Variants in SLCO1A2 observed in about 807,000 individuals in gnomAD.
SLCO1A2 encodes solute carrier organic anion transporter family member 1A2.
Under a neutral mutation model 69.0 loss-of-function variants are expected in SLCO1A2, and 67 were observed. That is an observed-to-expected ratio of 0.97 (90% CI 0.80 to 1.19). The LOEUF (loss-of-function observed/expected upper bound fraction) is 1.19. SLCO1A2 is among the 50% of genes most tolerant of loss of function. The pLI is 0.00. For missense variants in SLCO1A2, 787 were observed against 793.7 expected (o/e 0.99, Z 0.10); for synonymous variants, 260 against 265.9 (o/e 0.98, Z 0.22).
intron 2 of SLCO1A2, among the ~76,000 whole-genome samples, chr12:21,341,655 C>T (rs958807563): frequency 3.9e-5 from 6 of 151,960 alleles, no homozygotes; most frequent in Admixed American, 2.6e-4. Context: ...ACTGGAGTCA[C>T]GAAATATTAG....
At chr12:21,333,512 A>G (rs1952737773) in intron 2 of SLCO1A2, among the ~76,000 whole-genome samples, 1 of 152,126 alleles carries the variant, frequency 6.6e-6, no homozygotes, top group Non-Finnish European at 1.5e-5. Context: ...AGAGAAACCT[A>G]ACTTGCTATT....
At chr12:21,323,618 A>G (rs147679144) in intron 2 of SLCO1A2, among the ~76,000 whole-genome samples, 1 of 152,236 alleles carries the variant, frequency 6.6e-6, no homozygotes, top group East Asian at 1.9e-4. Context: ...ATACATATCT[A>G]TCTATCTGCA....
In SLCO1A2 at chr12:21,321,559, A is replaced by G. The variant is rs376924877; in HGVS notation, c.61-2636T>C. Among the ~76,000 whole-genome samples, 11 of 152,204 alleles carry G rather than the reference A, an allele frequency of 7.2e-5. No homozygotes were observed. The East Asian group carries it at 2.1e-3, about 29-fold the overall frequency. On this transcript the variant is annotated intron_variant, in intron 2 of 14. Coordinates refer to ENST00000683939, the MANE Select transcript of SLCO1A2 (RefSeq NM_001386879.1). Reference sequence around the variant, plus strand: ...TAAACAAAAATCTCTGATTTTTAAGATGGTAAACAAAGCCTCATCTGTATT... The same window carrying G: ...TAAACAAAAATCTCTGATTTTTAAGGTGGTAAACAAAGCCTCATCTGTATT...
At chr12:21,295,541 A>G (rs1947583763) in intron 10 of SLCO1A2, 56 bp downstream of exon 10, 2 of 1,142,266 alleles carry the variant, frequency 1.8e-6, no homozygotes, top group Non-Finnish European at 2.6e-6. Flanking sequence ...CATTGTAAAA[A>G]ATATCATATT....
At chr12:21,385,683 A>G (rs1331344851) in intron 1 of SLCO1A2, among the ~76,000 whole-genome samples, 1 of 152,214 alleles carries the variant, frequency 6.6e-6, no homozygotes, top group East Asian at 1.9e-4. Flanking sequence ...TTTTCTTCAC[A>G]CAGCTGGGTG....
At chr12:21,366,131 A>G (rs1384374250) in intron 2 of SLCO1A2, among the ~76,000 whole-genome samples, 1 of 152,212 alleles carries the variant, frequency 6.6e-6, no homozygotes, top group African/African-American at 2.4e-5. Flanking sequence ...TCACAACAGC[A>G]AAGACTTGGA....
At chr12:21,328,035 A>G (rs1952367121) in intron 2 of SLCO1A2, among the ~76,000 whole-genome samples, 2 of 152,096 alleles carry the variant, frequency 1.3e-5, no homozygotes, top group Admixed American at 6.6e-5. Flanking sequence ...TTTTCTCATG[A>G]TAGTGAATAA....
chr12:21,370,121 A>G (rs764711290), intron 2 of SLCO1A2, among the ~76,000 whole-genome samples: 1 of 152,206 alleles, frequency 6.6e-6, no homozygotes, highest in Non-Finnish European at 1.5e-5. Context: ...TGGATCAGAC[A>G]GATAAGAATT....
Position 21,266,098 on chromosome 12 carries a change from G to A in SLCO1A2, c.*3450C>T, listed in dbSNP as rs545814383. On this transcript the variant is annotated 3_prime_UTR_variant, in exon 15 of 15. Transcript: ENST00000683939. The stretch of plus-strand genomic sequence containing the variant: ...ACATTCTGAAAATGGGGATGCATGA[G>A]AGGACCCACAAAGAGGACGTTCACC... 6.6e-6 allele frequency: 1 copy of A among 152,230 alleles called. No homozygotes were observed. Among genetic ancestry groups the A allele is most frequent in the Non-Finnish European group, 1.5e-5 (1 of 68,002 alleles). 9.4% of individuals were successfully genotyped at this position (152,230 alleles called of 1,614,324 possible).
intron 2 of SLCO1A2, among the ~76,000 whole-genome samples, chr12:21,358,005 G>A (rs868408450): frequency 4.6e-5 from 7 of 152,242 alleles, no homozygotes; most frequent in Admixed American, 6.5e-5. Context: ...GGTGGGTGGC[G>A]TGAGGTGGGG....
chr12:21,298,565 A>T (rs2136393614), intron 8 of SLCO1A2, among the ~76,000 whole-genome samples: 1 of 152,306 alleles, frequency 6.6e-6, no homozygotes, highest in African/African-American at 2.4e-5. Flanking sequence ...ACACAGATTA[A>T]TGCAAGTAAA....
intron 2 of SLCO1A2, among the ~76,000 whole-genome samples, chr12:21,333,675 C>T (rs966809123): frequency 4.6e-5 from 7 of 152,024 alleles, no homozygotes; most frequent in Admixed American, 1.3e-4. Context: ...TCCACAAATG[C>T]TTTTAATATT....
chr12:21,396,892 C>T (rs534101656), upstream of SLCO1A2, among the ~76,000 whole-genome samples: 186 of 152,180 alleles, frequency 1.2e-3, no homozygotes, highest in African/African-American at 4.2e-3. Context: ...TGGAAAGGAA[C>T]GACTGGTACC....
At chr12:21,381,735 GC>G (rs1402475548) in intron 1 of SLCO1A2, among the ~76,000 whole-genome samples, 11 of 152,208 alleles carry the variant, frequency 7.2e-5, no homozygotes, top group Admixed American at 1.3e-4. Flanking sequence ...GGCAGAGGTT[GC>G]AGTGAGCCAA....
At chr12:21,400,704 A>C (rs1306361089) in intron 1 of SLCO1A2, among the ~76,000 whole-genome samples, 1 of 148,906 alleles carries the variant, frequency 6.7e-6, no homozygotes, top group Non-Finnish European at 1.5e-5. Context: ...GCCATAAAAA[A>C]TGATGAGTTC....
chr12:21,378,198 C>T, intron 1 of SLCO1A2: 1 of 1,589,642 alleles, frequency 6.3e-7, no homozygotes, highest in Non-Finnish European at 8.6e-7. Context: ...AGCTAAAATT[C>T]TAAGGCTCTA....
At chr12:21,394,571 A>G (rs1363177754) in intron 1 of SLCO1A2, among the ~76,000 whole-genome samples, 1 of 151,710 alleles carries the variant, frequency 6.6e-6, no homozygotes, top group African/African-American at 2.4e-5. Flanking sequence ...ACACACACAC[A>G]CACACACACA....
At chr12:21,376,528 T>C (rs546851814) in intron 1 of SLCO1A2, among the ~76,000 whole-genome samples, 1 of 152,104 alleles carries the variant, frequency 6.6e-6, no homozygotes, top group African/African-American at 2.4e-5. Context: ...AATAATTAGA[T>C]CCCAAAGTGG....
intron 8 of SLCO1A2, among the ~76,000 whole-genome samples, chr12:21,300,036 A>G (rs867352459): frequency 5.6e-5 from 8 of 141,852 alleles, no homozygotes; most frequent in South Asian, 2.1e-4. Context: ...ATATGTGTGT[A>G]TATATATATG....
Sources: allele counts gnomAD v4.1 joint callset (sites outside exome capture counted in the v4.1 genomes callset), GRCh38; gene constraint gnomAD v4.1.1; transcripts MANE v1.5; gene names NCBI Gene and HGNC (gene_info 2026-07-23, HGNC 2026-07-21).